COL21A1: variants seen among roughly 807,000 people sequenced by gnomAD.
COL21A1 encodes the protein collagen alpha-1(XXI) chain.
A neutral mutation model predicts 137.9 loss-of-function variants in COL21A1; 149 were observed. That is an observed-to-expected ratio of 1.08 (90% CI 0.95 to 1.24). The LOEUF (loss-of-function observed/expected upper bound fraction) is 1.24, where lower values mean the gene tolerates loss of function less well. Among genes scored for constraint, COL21A1 ranks in the 50% most tolerant of loss-of-function variants. The pLI is 0.00. For missense variants in COL21A1, 1,167 were observed against 1,158.4 expected (o/e 1.01, Z -0.11); for synonymous variants, 456 against 391.5 (o/e 1.16, Z -1.95).
rs577535634 is a variant in COL21A1 at position 56,272,073 on chromosome 6, C to G, written c.-38-89417G>C. ...CCCAAGCAGAGTCCCCACTGGGGAA[C>G]TGCCTACTGGAGCTGTGAGAAGAGG... On this transcript the variant is annotated intron_variant, in intron 1 of 28. Coordinates refer to the COL21A1 transcript ENST00000370819. Among the ~76,000 whole-genome samples the G allele has an allele frequency of 4.6e-5, 7 of 152,314 alleles. No homozygotes were observed. In the East Asian group the frequency reaches 1.2e-3, roughly 25 times the overall value.
chr6:56,080,495 T>C (rs1174095557), intron 17 of COL21A1, among the ~76,000 whole-genome samples: 2 of 151,840 alleles, frequency 1.3e-5, no homozygotes, highest in Non-Finnish European at 2.9e-5. Flanking sequence ...TTGACTTCTA[T>C]TTCCTAGAGA....
chr6:56,260,697 C>A (rs536222779), intron 1 of COL21A1, among the ~76,000 whole-genome samples: 4 of 113,272 alleles, frequency 3.5e-5, no homozygotes, highest in African/African-American at 6.6e-5. Flanking sequence ...GGAAGGCAGG[C>A]AGGCAGGCAG....
At position 56,077,466 on chromosome 6, in the gene COL21A1, T is replaced by C. The variant is rs1049403361; in HGVS notation, c.1857+63A>G. Reference sequence around the variant, plus strand: ...CCACAAATGTAAAACTGTATTTTATTGTAGACAACAATGCATTAAATGAGC... The same window carrying C: ...CCACAAATGTAAAACTGTATTTTATCGTAGACAACAATGCATTAAATGAGC... On this transcript the variant is annotated intron_variant, in intron 18 of 29. Coordinates refer to ENST00000244728, the MANE Select transcript of COL21A1 (RefSeq NM_030820.4). 2.9e-6 allele frequency: 3 copies of C among 1,029,392 alleles called. No homozygotes were observed. In the African/African-American group the frequency reaches 4.9e-5, roughly 17 times the overall value. The allele number at this position is 1,029,392 out of a possible 1,614,324, so 63.8% of individuals were successfully genotyped here.
At chr6:56,246,285 G>A (rs955541883) in intron 1 of COL21A1, among the ~76,000 whole-genome samples, 1 of 152,114 alleles carries the variant, frequency 6.6e-6, no homozygotes, top group Non-Finnish European at 1.5e-5. Flanking sequence ...TTCATCAGGG[G>A]TCAAAGATTC....
At chr6:56,315,470 G>T (rs1235210052) in intron 1 of COL21A1, among the ~76,000 whole-genome samples, 1 of 152,180 alleles carries the variant, frequency 6.6e-6, no homozygotes, top group Non-Finnish European at 1.5e-5. Flanking sequence ...GTAAAAAGAA[G>T]AGAAAGAGTG....
rs555664246 is a variant in COL21A1 at position 56,323,485 on chromosome 6, A to G, written c.-39+70486T>C. On this transcript the variant is annotated intron_variant, in intron 1 of 28. Coordinates refer to the COL21A1 transcript ENST00000370819. ...GCTGTCTGCAACCTCTGCTTCCCGG[A>G]TTCAAGCCATTCTCCTGCCTCAGCC... 2.6e-5 allele frequency among the ~76,000 whole-genome samples: 4 copies of G among 152,172 alleles called. No individual in the cohort carries two copies. In the East Asian group the frequency reaches 7.7e-4, roughly 29 times the overall value.
At position 56,163,814 on chromosome 6, in the gene COL21A1, C is replaced by T. The variant is rs564214693; in HGVS notation, c.1371+609G>A. 5.3e-5 allele frequency among the ~76,000 whole-genome samples: 8 copies of T among 151,920 alleles called. No individual in the cohort carries two copies. The South Asian group carries it at 1.2e-3, about 24-fold the overall frequency. ...TAAAGTAGTACGCACACAATGGCTCCGATCATATAAAAATGTATATGTACA... is the reference window on the plus strand; with the variant it reads ...TAAAGTAGTACGCACACAATGGCTCTGATCATATAAAAATGTATATGTACA... On this transcript the variant is annotated intron_variant, in intron 9 of 29. Transcript: ENST00000244728.
chr6:56,293,400 C>A (rs1764098027), intron 1 of COL21A1, among the ~76,000 whole-genome samples: 2 of 151,910 alleles, frequency 1.3e-5, no homozygotes, highest in African/African-American at 4.8e-5. Flanking sequence ...ATTAAGGATT[C>A]TTTTAGTGTA....
At chr6:56,249,708 A>G (rs905746012), upstream of COL21A1, among the ~76,000 whole-genome samples, 2 of 152,202 alleles carry the variant, frequency 1.3e-5, no homozygotes, top group African/African-American at 4.8e-5. Flanking sequence ...CCTATAATAC[A>G]TGAAGTGCTG....
chr6:56,117,750 T>C (rs1173500073), intron 16 of COL21A1, among the ~76,000 whole-genome samples: 1 of 151,848 alleles, frequency 6.6e-6, no homozygotes, highest in Non-Finnish European at 1.5e-5. Context: ...GACGATAATA[T>C]AATAAAGCTA....
chr6:56,252,716 A>G (rs889362792), intron 1 of COL21A1, among the ~76,000 whole-genome samples: 27 of 152,318 alleles, frequency 1.8e-4, no homozygotes, highest in African/African-American at 6.3e-4. Flanking sequence ...AGAGTAGGGC[A>G]TGTAATTCTA....
chr6:56,282,798 C>T (rs762752059), intron 1 of COL21A1, among the ~76,000 whole-genome samples: 3 of 152,192 alleles, frequency 2.0e-5, no homozygotes, highest in Non-Finnish European at 4.4e-5. Context: ...TGTCCCCCAA[C>T]AAGAACAATC....
chr6:56,283,874 A>ACACTCT (rs375116485), intron 1 of COL21A1, among the ~76,000 whole-genome samples: 32,247 of 145,982 alleles, frequency 0.22, 3,888 homozygotes, highest in Non-Finnish European at 0.28. Flanking sequence ...TCACACACAC[A>ACACTCT]CTCTCTCTCT....
intron 3 of COL21A1, among the ~76,000 whole-genome samples, chr6:56,178,685 A>G (rs1419546104): frequency 6.6e-6 from 1 of 152,116 alleles, no homozygotes; most frequent in Non-Finnish European, 1.5e-5. Context: ...AATAATCTGA[A>G]TATTAGCATA....
chr6:56,170,950 T>C lies in COL21A1; in HGVS notation c.809+10A>G. 1 of 1,597,566 alleles carries C rather than the reference T, an allele frequency of 6.3e-7. No individual in the cohort carries two copies. Among genetic ancestry groups the C allele is most frequent in the Non-Finnish European group, 8.5e-7 (1 of 1,172,580 alleles). On this transcript the variant is annotated intron_variant, in intron 4 of 29. Coordinates refer to ENST00000244728, the MANE Select transcript of COL21A1 (RefSeq NM_030820.4). ...CCCCCAAAAAAGTTGTGTCAACATA[T>C]AATGCATACCTTGTGAGTTCTGATA...
chr6:56,281,967 A>T (rs1277975690), intron 1 of COL21A1, among the ~76,000 whole-genome samples: 1 of 152,126 alleles, frequency 6.6e-6, no homozygotes, highest in Non-Finnish European at 1.5e-5. Context: ...ATTTTTGTCA[A>T]TACCAAATAA....
At chr6:56,202,449 AT>A (rs1226228015) in intron 1 of COL21A1, among the ~76,000 whole-genome samples, 1 of 152,226 alleles carries the variant, frequency 6.6e-6, no homozygotes, top group African/African-American at 2.4e-5. Context: ...TCATCACTGC[AT>A]GATTAGTGCC....
chr6:56,124,182 T>G lies in COL21A1; in HGVS notation c.1704+57A>C. ...ATTTTTTCTCTTTAAAGACAGATAC[T>G]ATAAGATAGATTTTATTTAAAGCAA... On this transcript the variant is annotated intron_variant, in intron 15 of 29. Transcript: ENST00000244728. The G allele has an allele frequency of 9.7e-6, 15 of 1,542,356 alleles. No individual in the cohort carries two copies. In the South Asian group the frequency reaches 1.8e-4, roughly 19 times the overall value.
intron 1 of COL21A1, among the ~76,000 whole-genome samples, chr6:56,183,410 TGA>T (rs1309912582): frequency 6.6e-6 from 1 of 152,210 alleles, no homozygotes; most frequent in African/African-American, 2.4e-5. Flanking sequence ...GGAATACTGA[TGA>T]GAAGGAATTT....
Sources: allele counts gnomAD v4.1 joint callset (sites outside exome capture counted in the v4.1 genomes callset), GRCh38; gene constraint gnomAD v4.1.1; transcripts MANE v1.5; gene names NCBI Gene and HGNC (gene_info 2026-07-23, HGNC 2026-07-21).